DCAF6: variants seen among roughly 807,000 people sequenced by gnomAD.
DCAF6 encodes DDB1 and CUL4 associated factor 6.
Under a neutral mutation model 125.1 loss-of-function variants are expected in DCAF6, and 54 were observed. That is an observed-to-expected ratio of 0.43 (90% CI 0.35 to 0.54). DCAF6 has a LOEUF of 0.54. Among genes scored for constraint, DCAF6 ranks in the 20% least tolerant of loss-of-function variants. The pLI, the probability that DCAF6 is intolerant of heterozygous loss-of-function variation, is 0.01. For missense variants in DCAF6, 934 were observed against 1,161.7 expected (o/e 0.80, Z 2.85); for synonymous variants, 371 against 390.4 (o/e 0.95, Z 0.58).
chr1:167,904,646 T>C, the DCAF6 span: 1 of 560,498 alleles, frequency 1.8e-6, no homozygotes, highest in Non-Finnish European at 3.2e-6. Flanking sequence ...GATGTAAACA[T>C]CATCTAGGGA....
chr1:168,072,954 A>C (rs960517221), intron 21 of DCAF6, among the ~76,000 whole-genome samples: 4 of 152,196 alleles, frequency 2.6e-5, no homozygotes, highest in Non-Finnish European at 5.9e-5. Context: ...TGACATTGCT[A>C]CTTCTGAAAA....
chr1:168,005,323 T>G (rs1044146543), intron 10 of DCAF6, among the ~76,000 whole-genome samples: 1 of 152,128 alleles, frequency 6.6e-6, no homozygotes, highest in African/African-American at 2.4e-5. Context: ...AGAATTATTT[T>G]ACCAAATGCT....
chr1:167,879,357 C>T, the DCAF6 span, among the ~76,000 whole-genome samples: 2 of 152,150 alleles, frequency 1.3e-5, no homozygotes, highest in Non-Finnish European at 2.9e-5. Context: ...ATTAATATTA[C>T]TACAAATGAG....
the DCAF6 span, among the ~76,000 whole-genome samples, chr1:167,872,289 GA>G: frequency 6.6e-6 from 1 of 151,786 alleles, no homozygotes; most frequent in Non-Finnish European, 1.5e-5. Context: ...AGTAAGCCGA[GA>G]TGGCGCCATT....
the DCAF6 span, chr1:167,894,053 T>TA: frequency 2.7e-6 from 2 of 751,100 alleles, no homozygotes; most frequent in African/African-American, 1.7e-5. Context: ...TTCTTGTCCT[T>TA]ACAGTTGTCA....
intron 10 of DCAF6, among the ~76,000 whole-genome samples, chr1:168,012,178 A>T (rs1397948776): frequency 1.3e-5 from 2 of 152,176 alleles, no homozygotes; most frequent in East Asian, 3.9e-4. Context: ...ATAAAGTGCC[A>T]CCAAATTAGA....
chr1:168,033,128 G>A (rs1558005123), intron 12 of DCAF6, among the ~76,000 whole-genome samples: 1 of 151,882 alleles, frequency 6.6e-6, no homozygotes, highest in Non-Finnish European at 1.5e-5. Flanking sequence ...CACAGCGTGT[G>A]CATTACAAAA....
chr1:168,050,093 G>T (rs757171763), intron 16 of DCAF6, among the ~76,000 whole-genome samples: 1 of 147,326 alleles, frequency 6.8e-6, no homozygotes, highest in Non-Finnish European at 1.5e-5. Context: ...ATCTAAGAAA[G>T]CTTCCTGAAT....
the DCAF6 span, chr1:167,904,699 C>T: frequency 3.3e-6 from 2 of 603,444 alleles, no homozygotes; most frequent in Non-Finnish European, 5.9e-6. Flanking sequence ...GTGTATGGGG[C>T]TTGGGGCTGG....
At chr1:168,049,560 C>T (rs993190675) in intron 16 of DCAF6, among the ~76,000 whole-genome samples, 12 of 148,684 alleles carry the variant, frequency 8.1e-5, no homozygotes, top group African/African-American at 3.0e-4. Context: ...CCGCGCCTGG[C>T]CATATACTGG....
chr1:168,005,004 A>G (rs896216787), intron 10 of DCAF6, among the ~76,000 whole-genome samples: 4 of 152,228 alleles, frequency 2.6e-5, no homozygotes, highest in Non-Finnish European at 5.9e-5. Flanking sequence ...TTCAATTTAT[A>G]TAAAACAATT....
chr1:168,019,175 A>G (rs577250542), intron 11 of DCAF6, among the ~76,000 whole-genome samples: 1 of 152,056 alleles, frequency 6.6e-6, no homozygotes, highest in African/African-American at 2.4e-5. Context: ...CAGCCTCCCA[A>G]GTAGCTGGGA....
intron 1 of DCAF6, among the ~76,000 whole-genome samples, chr1:167,946,062 T>A (rs1673035854): frequency 6.6e-6 from 1 of 150,972 alleles, no homozygotes; most frequent in Admixed American, 6.6e-5. Context: ...GTTCAAGTGA[T>A]TCTCCTGCCT....
the DCAF6 span, among the ~76,000 whole-genome samples, chr1:167,876,401 T>C: frequency 8.2e-3 from 1,249 of 152,222 alleles, 18 homozygotes; most frequent in African/African-American, 0.028. Flanking sequence ...AGGGTGCATA[T>C]GTTTGCTCAC....
At chr1:167,907,004 A>G in the DCAF6 span, among the ~76,000 whole-genome samples, 1 of 152,196 alleles carries the variant, frequency 6.6e-6, no homozygotes, top group Non-Finnish European at 1.5e-5. Context: ...ACCATGGAGG[A>G]TTGAAAAGTA....
At chr1:167,931,693 T>C (rs1397539633), upstream of DCAF6, among the ~76,000 whole-genome samples, 1 of 152,104 alleles carries the variant, frequency 6.6e-6, no homozygotes, top group Admixed American at 6.5e-5. Flanking sequence ...CATTATTTGA[T>C]CCATATTAGA....
intron 12 of DCAF6, 86 bp downstream of exon 12, chr1:168,023,133 C>A (rs1225995144): frequency 8.2e-6 from 11 of 1,336,366 alleles, no homozygotes; most frequent in Admixed American, 7.2e-5. Context: ...CCTTTCGTAG[C>A]ATTTCATTTT....
the DCAF6 span, among the ~76,000 whole-genome samples, chr1:167,922,443 C>A: frequency 2.6e-5 from 4 of 151,992 alleles, no homozygotes; most frequent in Non-Finnish European, 5.9e-5. Flanking sequence ...CACTCAAACT[C>A]TTTTAATGAT....
intron 16 of DCAF6, among the ~76,000 whole-genome samples, chr1:168,048,940 A>G (rs559486775): frequency 5.3e-5 from 8 of 152,228 alleles, no homozygotes; most frequent in Non-Finnish European, 1.0e-4. Flanking sequence ...ATAGAGAGAA[A>G]TCAAACTATA....
Sources: gnomAD v4.1 joint callset for allele counts (sites outside exome capture counted in the v4.1 genomes callset) on GRCh38, gnomAD v4.1.1 for gene constraint, MANE v1.5 for transcripts, NCBI Gene and HGNC (gene_info 2026-07-23, HGNC 2026-07-21) for gene names.